The following RGL1 variants were observed in gnomAD, a reference collection of about 807,000 sequenced individuals.
The protein encoded by RGL1 is ral guanine nucleotide dissociation stimulator-like 1.
A neutral mutation model predicts 95.2 loss-of-function variants in RGL1; 24 were observed. The observed-to-expected ratio is 0.25, with a 90% confidence interval of 0.18 to 0.35. The LOEUF is 0.35. Among genes scored for constraint, RGL1 ranks in the 10% least tolerant of loss-of-function variants. The pLI is 1.00. For synonymous variants in RGL1, 329 were observed against 344.9 expected, an observed-to-expected ratio of 0.95 and a Z score of 0.51; for missense variants, 715 against 936.3, an observed-to-expected ratio of 0.76 and a Z score of 3.08.
chr1:183,783,470 GC>G (rs1660005996), intron 2 of RGL1, among the ~76,000 whole-genome samples: 1 of 152,130 alleles, frequency 6.6e-6, no homozygotes, highest in East Asian at 1.9e-4. Context: ...AGGAGCCCTT[GC>G]CCTCCATGCT....
intron 4 of RGL1, among the ~76,000 whole-genome samples, chr1:183,869,618 C>G (rs2102604042): frequency 6.6e-6 from 1 of 152,308 alleles, no homozygotes; most frequent in Middle Eastern, 3.4e-3. Context: ...TTCTGTCTTT[C>G]TCACTGTTTT....
In RGL1 at chr1:183,716,842, G is replaced by A. The variant is rs531897650; in HGVS notation, c.-32-25284G>A. Among the ~76,000 whole-genome samples, 3 of 152,344 alleles carry A rather than the reference G, an allele frequency of 2.0e-5. No individual in the cohort carries two copies. In the South Asian group the frequency reaches 6.2e-4, roughly 32 times the overall value. On this transcript the variant is annotated intron_variant, in intron 1 of 18. Transcript: ENST00000304685. ...TCTGTTTTGCTCTTTAAAAGAAAAT[G>A]TTCTGTGTGAAGACAGCTAGTTCTT...
chr1:183,686,645 C>T (rs1029322293), intron 1 of RGL1, among the ~76,000 whole-genome samples: 1 of 152,090 alleles, frequency 6.6e-6, no homozygotes, highest in Non-Finnish European at 1.5e-5. Flanking sequence ...TGACTTTGCC[C>T]AAGTTAGCTA....
intron 1 of RGL1, among the ~76,000 whole-genome samples, chr1:183,695,654 C>A (rs1654208118): frequency 6.6e-6 from 1 of 152,154 alleles, no homozygotes. Flanking sequence ...TTTAAATATT[C>A]TGCAAATGAA....
chr1:183,832,240 G>C (rs1663311418), intron 2 of RGL1, among the ~76,000 whole-genome samples: 1 of 152,196 alleles, frequency 6.6e-6, no homozygotes, highest in Admixed American at 6.5e-5. Context: ...ATTTTGGGGG[G>C]ATGAGGGAGT....
intron 4 of RGL1, among the ~76,000 whole-genome samples, chr1:183,878,179 T>C (rs1666625163): frequency 6.6e-6 from 1 of 151,920 alleles, no homozygotes; most frequent in South Asian, 2.1e-4. Context: ...TATCTATCTA[T>C]CTATCTATCT....
chr1:183,770,703 C>T (rs115523835), intron 2 of RGL1, among the ~76,000 whole-genome samples: 2,579 of 152,198 alleles, frequency 0.017, 83 homozygotes, highest in African/African-American at 0.058. Context: ...GCGATCATGA[C>T]GGGTGAGGGG....
chr1:183,852,494 A>G (rs1326663798), intron 3 of RGL1, among the ~76,000 whole-genome samples: 1 of 152,098 alleles, frequency 6.6e-6, no homozygotes, highest in Non-Finnish European at 1.5e-5. Context: ...ATTTTCTTTT[A>G]TCTAACTTCA....
intron 1 of RGL1, among the ~76,000 whole-genome samples, chr1:183,714,253 G>C (rs1338841037): frequency 6.6e-6 from 1 of 151,998 alleles, no homozygotes; most frequent in African/African-American, 2.4e-5. Flanking sequence ...CCATTTTTTT[G>C]CATTTGAATC....
intron 2 of RGL1, among the ~76,000 whole-genome samples, chr1:183,794,281 TGGAAAA>T (rs1044732512): frequency 9.8e-4 from 149 of 152,234 alleles, no homozygotes; most frequent in African/African-American, 2.6e-3. Flanking sequence ...CCAGAGAGGC[TGGAAAA>T]GGTGGAGAGG....
intron 1 of RGL1, among the ~76,000 whole-genome samples, chr1:183,718,154 G>A (rs1337299355): frequency 1.3e-5 from 2 of 151,740 alleles, no homozygotes; most frequent in Non-Finnish European, 2.9e-5. Flanking sequence ...GCTGAGGCAG[G>A]AGAATCGCTT....
At chr1:183,889,549 C>A (rs747629139) in intron 8 of RGL1, among the ~76,000 whole-genome samples, 1 of 152,106 alleles carries the variant, frequency 6.6e-6, no homozygotes, top group Non-Finnish European at 1.5e-5. Flanking sequence ...CCCTAAGAGA[C>A]TGGCATTGTT....
At chr1:183,636,779 A>G (rs1649566905) in intron 1 of RGL1, among the ~76,000 whole-genome samples, 2 of 152,184 alleles carry the variant, frequency 1.3e-5, no homozygotes, top group Non-Finnish European at 2.9e-5. Flanking sequence ...TTAAAAAAAT[A>G]TTTGACATCC....
intron 2 of RGL1, among the ~76,000 whole-genome samples, chr1:183,812,826 G>T (rs189549054): frequency 1.3e-5 from 2 of 152,284 alleles, no homozygotes; most frequent in Admixed American, 1.3e-4. Context: ...GGCCTGAAAT[G>T]AGACTTCCCC....
At chr1:183,838,552 T>A (rs946632326) in intron 2 of RGL1, among the ~76,000 whole-genome samples, 6 of 152,236 alleles carry the variant, frequency 3.9e-5, no homozygotes, top group African/African-American at 1.2e-4. Context: ...TGTAGTTTTT[T>A]CAGAGCACAT....
At position 183,672,132 on chromosome 1, in the gene RGL1, C is replaced by T. The variant is rs748481732; in HGVS notation, c.-33+35631C>T. 4.9e-4 allele frequency among the ~76,000 whole-genome samples: 75 copies of T among 151,948 alleles called. 1 individual carries two copies. Among genetic ancestry groups the T allele is most frequent in the Admixed American group, 9.2e-4 (14 of 15,240 alleles). ...ATTTTTAGTAGAGATGGGGTTTCGC[C>T]ATGTTGGCCAGGCTGGTTTCAAACT... On this transcript the variant is annotated intron_variant, in intron 1 of 18. Coordinates refer to the RGL1 transcript ENST00000304685.
chr1:183,743,386 C>A (rs1019659013), intron 2 of RGL1, among the ~76,000 whole-genome samples: 23 of 108,996 alleles, frequency 2.1e-4, no homozygotes, highest in African/African-American at 8.2e-4. Context: ...ACTAAGATAG[C>A]ATAGAAACGT....
intron 2 of RGL1, among the ~76,000 whole-genome samples, chr1:183,780,479 A>G (rs1472452460): frequency 1.3e-5 from 2 of 152,202 alleles, no homozygotes; most frequent in African/African-American, 2.4e-5. Flanking sequence ...AAATTATCCA[A>G]TAAGTCTTCT....
At chr1:183,875,475 G>A (rs535722001) in intron 4 of RGL1, among the ~76,000 whole-genome samples, 47 of 152,276 alleles carry the variant, frequency 3.1e-4, no homozygotes, top group Non-Finnish European at 5.6e-4. Flanking sequence ...TGAAGATCGT[G>A]GGGTGGCTAG....
Sources: gnomAD v4.1 joint callset for allele counts (sites outside exome capture counted in the v4.1 genomes callset) on GRCh38, gnomAD v4.1.1 for gene constraint, MANE v1.5 for transcripts, NCBI Gene and HGNC (gene_info 2026-07-23, HGNC 2026-07-21) for gene names.